Variants in BCL2L11 observed in about 807,000 individuals in gnomAD.
BCL2L11 encodes bcl-2-like protein 11.
Under a neutral mutation model 20.6 loss-of-function variants are expected in BCL2L11, and 15 were observed. The ratio of observed to expected loss-of-function variants is 0.73; its 90% confidence interval spans 0.49 to 1.12. The LOEUF is 1.12. Among genes scored for constraint, BCL2L11 ranks in the 50% most tolerant of loss-of-function variants. The pLI, the probability that BCL2L11 is intolerant of heterozygous loss-of-function variation, is 0.00. For missense variants in BCL2L11, 292 were observed against 260.9 expected (o/e 1.12, Z -0.82); for synonymous variants, 108 against 92.8 (o/e 1.16, Z -0.94).
At chr2:111,130,543 A>T (rs1437898279) in intron 2 of BCL2L11, among the ~76,000 whole-genome samples, 1 of 152,202 alleles carries the variant, frequency 6.6e-6, no homozygotes. Context: ...CTATATAGTT[A>T]TGTGATCTGC....
At chr2:111,146,245 A>G in intron 2 of BCL2L11, 3 of 981,596 alleles carry the variant, frequency 3.1e-6, no homozygotes, top group Non-Finnish European at 3.6e-6. Context: ...ATCTCCCTAC[A>G]GAGTAAGAGC....
chr2:111,145,126 C>G (rs1293791247), intron 2 of BCL2L11, among the ~76,000 whole-genome samples: 1 of 152,084 alleles, frequency 6.6e-6, no homozygotes, highest in Non-Finnish European at 1.5e-5. Flanking sequence ...GTGCAGCGTT[C>G]CTGTGAATTT....
At chr2:111,159,910 T>G (rs1425674855) in intron 3 of BCL2L11, among the ~76,000 whole-genome samples, 2 of 152,220 alleles carry the variant, frequency 1.3e-5, no homozygotes, top group African/African-American at 4.8e-5. Flanking sequence ...CGACACCGTC[T>G]CAAAGGGCAT....
chr2:111,135,859 A>G (rs1000786270), intron 2 of BCL2L11, among the ~76,000 whole-genome samples: 2 of 152,138 alleles, frequency 1.3e-5, no homozygotes, highest in African/African-American at 4.8e-5. Flanking sequence ...AGCCCCACTA[A>G]TGTAACCCTG....
At chr2:111,150,744 T>C (rs2077147456) in intron 3 of BCL2L11, among the ~76,000 whole-genome samples, 1 of 152,226 alleles carries the variant, frequency 6.6e-6, no homozygotes, top group South Asian at 2.1e-4. Context: ...AATTGCCACT[T>C]ATTTTGAGCT....
chr2:111,122,604 CCGGCGG>C, intron 1 of BCL2L11: 1 of 984,318 alleles, frequency 1.0e-6, no homozygotes, highest in South Asian at 4.5e-5. Flanking sequence ...GTCGGCGGTG[CCGGCGG>C]CGGCGGGCGC....
At chr2:111,153,445 A>T (rs1441259695) in intron 3 of BCL2L11, among the ~76,000 whole-genome samples, 1 of 152,174 alleles carries the variant, frequency 6.6e-6, no homozygotes, top group East Asian at 1.9e-4. Context: ...AAAGCCACAG[A>T]CACCCGTCTT....
chr2:111,135,510 G>C (rs1404607838), intron 2 of BCL2L11, among the ~76,000 whole-genome samples: 1 of 151,970 alleles, frequency 6.6e-6, no homozygotes, highest in Non-Finnish European at 1.5e-5. Flanking sequence ...TCAGAACTCA[G>C]CTTCCCTCTG....
chr2:111,144,470 C>G (rs577360498), intron 2 of BCL2L11: 5 of 1,550,400 alleles, frequency 3.2e-6, no homozygotes, highest in Non-Finnish European at 3.5e-6. Flanking sequence ...ATGGCAGTTG[C>G]TCTCCTTTGC....
intron 2 of BCL2L11, among the ~76,000 whole-genome samples, chr2:111,126,677 A>G (rs1282880591): frequency 6.6e-6 from 1 of 152,186 alleles, no homozygotes; most frequent in Non-Finnish European, 1.5e-5. Context: ...TGCTGAGTTG[A>G]TAAGTGGTTC....
intron 2 of BCL2L11, among the ~76,000 whole-genome samples, chr2:111,129,456 A>G (rs2150308223): frequency 6.6e-6 from 1 of 152,326 alleles, no homozygotes; most frequent in Middle Eastern, 3.4e-3. Context: ...TTTTTTTCAG[A>G]TAATTACAGA....
chr2:111,139,372 TTGAGACA>T (rs2075435371), intron 2 of BCL2L11, among the ~76,000 whole-genome samples: 1 of 152,218 alleles, frequency 6.6e-6, no homozygotes, highest in Non-Finnish European at 1.5e-5. Context: ...AAAATGTGTC[TTGAGACA>T]TGAGACATAG....
At chr2:111,152,266 C>G (rs1015331242) in intron 3 of BCL2L11, among the ~76,000 whole-genome samples, 3 of 152,266 alleles carry the variant, frequency 2.0e-5, no homozygotes, top group Admixed American at 2.0e-4. Context: ...TAGACACCCT[C>G]GGGGCAAGAT....
intron 2 of BCL2L11, among the ~76,000 whole-genome samples, chr2:111,145,173 AATG>A (rs2150441735): frequency 6.6e-6 from 1 of 152,322 alleles, no homozygotes; most frequent in African/African-American, 2.4e-5. Context: ...AAATTCCAGT[AATG>A]ATAAGATGGG....
intron 2 of BCL2L11, chr2:111,131,960 C>T (rs567125935): frequency 4.6e-5 from 7 of 152,256 alleles, no homozygotes; most frequent in African/African-American, 1.7e-4. Flanking sequence ...AAATAGAAAT[C>T]TTGGAGGCAT....
At chr2:111,147,534 A>G (rs1221847169) in intron 2 of BCL2L11, among the ~76,000 whole-genome samples, 1 of 152,230 alleles carries the variant, frequency 6.6e-6, no homozygotes. Context: ...CCAGCAGGGC[A>G]TTTATCTCTT....
chr2:111,125,844 C>T (rs1054429818), intron 2 of BCL2L11, among the ~76,000 whole-genome samples: 2 of 152,146 alleles, frequency 1.3e-5, no homozygotes, highest in African/African-American at 2.4e-5. Context: ...TGCTCGTGAA[C>T]TCATTTCAGC....
At chr2:111,153,945 G>A (rs2077527276) in intron 3 of BCL2L11, 9 of 1,468,312 alleles carry the variant, frequency 6.1e-6, no homozygotes, top group South Asian at 4.2e-5. Context: ...CTTCTCTCCC[G>A]ATGCAGTGTC....
In BCL2L11 at chr2:111,127,400, G is replaced by A. The variant is rs568230821; in HGVS notation, c.394+3261G>A. Among the ~76,000 whole-genome samples the A allele has an allele frequency of 2.6e-5, 4 of 151,378 alleles. No individual in the cohort carries two copies. In the East Asian group the frequency reaches 8.0e-4, roughly 30 times the overall value. On this transcript the variant is annotated intron_variant, in intron 2 of 3. Coordinates refer to ENST00000393256, the MANE Select transcript of BCL2L11 (RefSeq NM_138621.5). ...GTTCCCTGGCACATTGGAATTCACA[G>A]ATGGGAGTTAATGGCTTTCTTTTTT... is the stretch of plus-strand genomic sequence containing the variant.
Sources: gnomAD v4.1 joint callset for allele counts (sites outside exome capture counted in the v4.1 genomes callset) on GRCh38, gnomAD v4.1.1 for gene constraint, MANE v1.5 for transcripts, NCBI Gene and HGNC (gene_info 2026-07-23, HGNC 2026-07-21) for gene names.